The following AGBL4 variants were observed in gnomAD, a reference collection of about 807,000 sequenced individuals.
AGBL4 encodes AGBL carboxypeptidase 4, also known as cytosolic carboxypeptidase 6.
Under a neutral mutation model 66.4 loss-of-function variants are expected in AGBL4, and 58 were observed. The ratio of observed to expected loss-of-function variants is 0.87; its 90% CI spans 0.71 to 1.09. The LOEUF (loss-of-function observed/expected upper bound fraction) is 1.09. AGBL4 is among the 50% of genes least tolerant of loss of function. The pLI is 0.00. For missense variants in AGBL4, 579 were observed against 631.0 expected (o/e 0.92, Z 0.88); for synonymous variants, 234 against 222.9 (o/e 1.05, Z -0.44).
intron 11 of AGBL4, among the ~76,000 whole-genome samples, chr1:48,552,362 T>G (rs1004224495): frequency 6.6e-6 from 1 of 152,162 alleles, no homozygotes; most frequent in African/African-American, 2.4e-5. Context: ...GCACCCAGCC[T>G]CATTCATTAT....
chr1:48,522,833 G>A, the AGBL4 span, among the ~76,000 whole-genome samples: 1 of 151,452 alleles, frequency 6.6e-6, no homozygotes, highest in Non-Finnish European at 1.5e-5. Flanking sequence ...GGCTGAGGCA[G>A]AAGAATCGCT....
chr1:49,723,862 T>G (rs1443655340), intron 2 of AGBL4, among the ~76,000 whole-genome samples: 1 of 152,164 alleles, frequency 6.6e-6, no homozygotes, highest in Non-Finnish European at 1.5e-5. Flanking sequence ...ATTTACTGAA[T>G]GAATTATGTG....
At chr1:49,809,597 A>G (rs1645053927) in intron 2 of AGBL4, among the ~76,000 whole-genome samples, 1 of 152,206 alleles carries the variant, frequency 6.6e-6, no homozygotes, top group Admixed American at 6.5e-5. Context: ...GTACAACATT[A>G]TATCTATAGC....
intron 6 of AGBL4, among the ~76,000 whole-genome samples, chr1:48,729,791 G>C (rs1259358337): frequency 6.6e-6 from 1 of 151,510 alleles, no homozygotes; most frequent in African/African-American, 2.4e-5. Flanking sequence ...GTTTTGCAAA[G>C]AGAAGCCTTT....
At chr1:48,857,511 G>A (rs1381474197) in intron 6 of AGBL4, among the ~76,000 whole-genome samples, 1 of 152,066 alleles carries the variant, frequency 6.6e-6, no homozygotes, top group African/African-American at 2.4e-5. Context: ...CACAAGGTCA[G>A]GAGATCGAGA....
intron 3 of AGBL4, among the ~76,000 whole-genome samples, chr1:49,603,701 T>C (rs938657180): frequency 2.0e-5 from 3 of 152,044 alleles, no homozygotes; most frequent in Non-Finnish European, 2.9e-5. Context: ...AGGTAGTTTT[T>C]CTACCTTCAC....
chr1:48,964,245 C>T, intron 5 of AGBL4, among the ~76,000 whole-genome samples: 1 of 152,210 alleles, frequency 6.6e-6, no homozygotes, highest in East Asian at 1.9e-4. Context: ...GCCAGTTCTG[C>T]ACCTGGTTCT....
chr1:49,392,683 A>T (rs528062221), intron 3 of AGBL4, among the ~76,000 whole-genome samples: 37 of 146,186 alleles, frequency 2.5e-4, no homozygotes, highest in Non-Finnish European at 4.5e-5. Flanking sequence ...CTAATGTGCA[A>T]TTTTCAACTG....
At chr1:49,561,217 T>A (rs1380245321) in intron 3 of AGBL4, among the ~76,000 whole-genome samples, 1 of 151,886 alleles carries the variant, frequency 6.6e-6, no homozygotes, top group Non-Finnish European at 1.5e-5. Flanking sequence ...GTAAACCAAT[T>A]TAGGGTGTAG....
chr1:48,690,562 C>A (rs1364363833), intron 6 of AGBL4, among the ~76,000 whole-genome samples: 3 of 152,130 alleles, frequency 2.0e-5, no homozygotes, highest in Non-Finnish European at 4.4e-5. Context: ...AAGGGTCACA[C>A]TGACATTAGT....
chr1:49,703,011 C>T (rs765368074), intron 2 of AGBL4, among the ~76,000 whole-genome samples: 30 of 152,188 alleles, frequency 2.0e-4, no homozygotes, highest in Non-Finnish European at 3.5e-4. Context: ...TGAACATTAT[C>T]CCTCTAAGAT....
At chr1:48,587,204 C>T in intron 10 of AGBL4, 38 bp from the exon 11 acceptor site, 2 of 1,518,990 alleles carry the variant, frequency 1.3e-6, no homozygotes, top group Non-Finnish European at 1.8e-6. Context: ...AATCACGGCA[C>T]CTGCTGCAAA....
Position 49,946,273 on chromosome 1 carries a change from C to G in AGBL4, c.34+77490G>C, listed in dbSNP as rs180804087. Among the ~76,000 whole-genome samples, 64 of 152,086 alleles carry G rather than the reference C, an allele frequency of 4.2e-4. No individual in the cohort carries two copies. The East Asian group carries it at 6.6e-3, about 16-fold the overall frequency. ...ACAATATAGATTCTATTCATCATTG[C>G]ATGGAACTTTCTCCAAGATAGACGA... On this transcript the variant is annotated intron_variant, in intron 1 of 13. Transcript: ENST00000371839.
rs568867128 is a variant in AGBL4, at chr1:48,722,255, A to G, written c.635-59014T>C. ...GCTGAAACCAGTAAGATGAAATGGA[A>G]CAGGGACGAATGCAAAGTCCTGTAT... On this transcript the variant is annotated intron_variant, in intron 6 of 13. Transcript: ENST00000371839. 1.4e-3 allele frequency among the ~76,000 whole-genome samples: 218 copies of G among 152,336 alleles called. No individual in the cohort carries two copies. In the Middle Eastern group the frequency reaches 0.017, roughly 12 times the overall value.
chr1:49,136,783 G>T (rs1036965294), intron 4 of AGBL4, among the ~76,000 whole-genome samples: 2 of 152,028 alleles, frequency 1.3e-5, no homozygotes, highest in Non-Finnish European at 2.9e-5. Context: ...TATACATATG[G>T]CTGGCAAGGA....
chr1:49,154,487 CA>C (rs1485846226), intron 4 of AGBL4, among the ~76,000 whole-genome samples: 1 of 152,086 alleles, frequency 6.6e-6, no homozygotes, highest in African/African-American at 2.4e-5. Flanking sequence ...CAACACTGCA[CA>C]AAATACTGGT....
intron 3 of AGBL4, among the ~76,000 whole-genome samples, chr1:49,560,610 C>G (rs753335223): frequency 6.6e-6 from 1 of 152,054 alleles, no homozygotes; most frequent in Non-Finnish European, 1.5e-5. Flanking sequence ...CGTCCAAGTA[C>G]AGGAAGATTA....
At chr1:48,672,798 G>C (rs759552299) in intron 6 of AGBL4, among the ~76,000 whole-genome samples, 18 of 152,202 alleles carry the variant, frequency 1.2e-4, no homozygotes, top group Non-Finnish European at 2.4e-4. Context: ...TTGGGGAGTG[G>C]AGGAGGTTGT....
intron 9 of AGBL4, among the ~76,000 whole-genome samples, chr1:48,592,772 A>C (rs968139388): frequency 1.2e-4 from 18 of 152,174 alleles, no homozygotes; most frequent in Non-Finnish European, 2.9e-5. Context: ...ACCTGCTCTG[A>C]GTGGGGAGGT....
Sources: gnomAD v4.1 joint callset for allele counts (sites outside exome capture counted in the v4.1 genomes callset) on GRCh38, gnomAD v4.1.1 for gene constraint, MANE v1.5 for transcripts, NCBI Gene and HGNC (gene_info 2026-07-23, HGNC 2026-07-21) for gene names.